The following CSNK2A1 variants were observed in gnomAD, a reference collection of about 807,000 sequenced individuals.
CSNK2A1 encodes casein kinase II subunit alpha.
Under a neutral mutation model 62.9 loss-of-function variants are expected in CSNK2A1, and 10 were observed. The ratio of observed to expected loss-of-function variants is 0.16; its 90% CI spans 0.10 to 0.27. The LOEUF is 0.27. CSNK2A1 is among the 10% of genes least tolerant of loss of function. The probability of loss-of-function intolerance (pLI) is 1.00; values close to 1 mark genes in which losing one functional copy is unlikely to be tolerated. For synonymous variants in CSNK2A1, 124 were observed against 167.8 expected, an observed-to-expected ratio of 0.74 and a Z score of 2.02; for missense variants, 160 against 492.0, an observed-to-expected ratio of 0.33 and a Z score of 6.38.
chr20:500,369 C>A (rs1402398161), intron 4 of CSNK2A1: 8 of 188,254 alleles, frequency 4.2e-5, no homozygotes, highest in African/African-American at 1.7e-4. Context: ...ACAAGGATGG[C>A]CAAAACATCT....
At chr20:500,938 G>C (rs2018455410) in intron 4 of CSNK2A1, 1 of 152,036 alleles carries the variant, frequency 6.6e-6, no homozygotes, top group Non-Finnish European at 1.5e-5. Context: ...CCATTCTAAA[G>C]AGTATTCTGC....
At chr20:491,432 C>A (rs1014944274) in intron 9 of CSNK2A1, among the ~76,000 whole-genome samples, 1 of 152,022 alleles carries the variant, frequency 6.6e-6, no homozygotes, top group Admixed American at 6.6e-5. Context: ...TTTGGGGAGC[C>A]AAGGTGTGAG....
At chr20:524,491 CACTT>C (rs1361936410) in intron 2 of CSNK2A1, among the ~76,000 whole-genome samples, 1 of 149,760 alleles carries the variant, frequency 6.7e-6, no homozygotes, top group Non-Finnish European at 1.5e-5. Context: ...TGTGGTGGCT[CACTT>C]GAGGTCAGGA....
intron 2 of CSNK2A1, 80 bp from the exon 3 acceptor site, chr20:508,740 T>A: frequency 1.8e-6 from 1 of 549,584 alleles, no homozygotes; most frequent in South Asian, 2.5e-5. Flanking sequence ...CAAATAATAA[T>A]GGCCTGAAAT....
chr20:525,650 CA>C (rs59103809), intron 2 of CSNK2A1, among the ~76,000 whole-genome samples: 11,655 of 60,854 alleles, frequency 0.19, 650 homozygotes, highest in African/African-American at 0.35. Flanking sequence ...GACTCCATCT[CA>C]AAAAAAAAAA....
At chr20:535,515 G>C (rs987750889) in intron 1 of CSNK2A1, among the ~76,000 whole-genome samples, 2 of 152,152 alleles carry the variant, frequency 1.3e-5, no homozygotes, top group Non-Finnish European at 2.9e-5. Context: ...CAGCACTTTG[G>C]GAGGCTGAGG....
chr20:488,308 ACAT>A (rs879356960), intron 11 of CSNK2A1: 9 of 202,550 alleles, frequency 4.4e-5, no homozygotes, highest in Non-Finnish European at 8.0e-5. Context: ...CCCAGCCTGC[ACAT>A]CAGTCTTAAA....
At chr20:504,994 C>T (rs915322330) in intron 4 of CSNK2A1, 124 bp downstream of exon 4, 94 of 767,142 alleles carry the variant, frequency 1.2e-4, no homozygotes, top group African/African-American at 9.0e-4. Context: ...TCATAGGATA[C>T]AATAAAATTT....
At chr20:517,596 A>G (rs1174013206) in intron 2 of CSNK2A1, among the ~76,000 whole-genome samples, 1 of 152,202 alleles carries the variant, frequency 6.6e-6, no homozygotes, top group Non-Finnish European at 1.5e-5. Context: ...ATGGGGAAAA[A>G]CTGTAAGAGA....
chr20:499,686 G>A lies in CSNK2A1; in HGVS notation c.315+147C>T. 5.5e-6 allele frequency: 4 copies of A among 722,924 alleles called. No individual in the cohort carries two copies. The highest frequency in any genetic ancestry group is 9.6e-6 in the Non-Finnish European group (4 of 417,208). 44.8% of individuals were successfully genotyped at this position (722,924 alleles called of 1,614,324 possible). ...AGGTCTCTTTGAAAGAAAGACCCAA[G>A]CTAGTTAAATGGTATATCTGATTAA... On this transcript the variant is annotated intron_variant, in intron 5 of 13. Transcript: ENST00000217244. This position sits in a 1 kb window ranked among gnomAD's most constrained non-coding sequence, Gnocchi z 4.2.
intron 1 of CSNK2A1, among the ~76,000 whole-genome samples, chr20:530,743 G>C (rs2019196102): frequency 6.6e-6 from 1 of 152,076 alleles, no homozygotes; most frequent in South Asian, 2.1e-4. Flanking sequence ...CCAAAGTGTT[G>C]GGACTACAGT....
intron 3 of CSNK2A1, chr20:507,568 GACT>G (rs1241771744): frequency 6.6e-6 from 1 of 152,216 alleles, no homozygotes; most frequent in Non-Finnish European, 1.5e-5. Flanking sequence ...TGTTCAGGCA[GACT>G]ACAACTGTTC....
chr20:505,927 T>C (rs1403723739), intron 3 of CSNK2A1: 7 of 136,850 alleles, frequency 5.1e-5, no homozygotes, highest in Admixed American at 4.2e-4. Flanking sequence ...CAGGCTGGAG[T>C]GCAGTGGCGT....
At chr20:522,306 TG>T (rs1048851986) in intron 2 of CSNK2A1, among the ~76,000 whole-genome samples, 4 of 152,238 alleles carry the variant, frequency 2.6e-5, no homozygotes, top group African/African-American at 9.6e-5. Context: ...TAGAAAAACC[TG>T]GCAGACTTTA....
In CSNK2A1 at chr20:483,772, AAAAAAAG is replaced by A. The variant is rs1258333546; in HGVS notation, c.*182_*188del. The A allele has an allele frequency of 4.9e-6, 2 of 407,870 alleles. No homozygotes were observed. Among genetic ancestry groups the A allele is most frequent in the South Asian group, 1.3e-4 (1 of 7,700 alleles). The allele number at this position is 407,870 out of a possible 1,614,324, so 25.3% of individuals were successfully genotyped here. On this transcript the variant is annotated 3_prime_UTR_variant, in exon 14 of 14. Transcript: ENST00000217244. ...GAGTTATGAAAAGTTCGAGTTAAAA[AAAAAAAG>A]AAAAAAGAAAATCAGCCTATTATAA...
At chr20:520,318 C>G (rs1165111988) in intron 2 of CSNK2A1, among the ~76,000 whole-genome samples, 1 of 152,062 alleles carries the variant, frequency 6.6e-6, no homozygotes, top group East Asian at 1.9e-4. Flanking sequence ...ACTAACTGAT[C>G]TTAAACTTAT....
At chr20:524,752 G>GT (rs2019040833) in intron 2 of CSNK2A1, among the ~76,000 whole-genome samples, 1 of 150,186 alleles carries the variant, frequency 6.7e-6, no homozygotes, top group Admixed American at 6.6e-5. Context: ...AAAACATGGG[G>GT]TATATATTAT....
Position 483,032 on chromosome 20 carries a change from G to A in CSNK2A1, c.*929C>T, listed in dbSNP as rs547305723. ...TCCCATTAGCTCTAGCATGAAACCT[G>A]TACAGACAATGTTTGTTTCTTTTGT... On this transcript the variant is annotated 3_prime_UTR_variant, in exon 14 of 14. Coordinates refer to ENST00000217244, the MANE Select transcript of CSNK2A1 (RefSeq NM_177559.3). 4.7e-4 allele frequency: 71 copies of A among 152,394 alleles called. No homozygotes were observed. The highest frequency in any genetic ancestry group is 8.5e-4 in the Non-Finnish European group (58 of 68,034). The allele number at this position is 152,394 out of a possible 1,614,324, so 9.4% of individuals were successfully genotyped here.
chr20:497,775 C>T lies in CSNK2A1; in HGVS notation c.372G>A (p.Leu124=), dbSNP rs1374285002. 6.2e-7 allele frequency: 1 copy of T among 1,612,408 alleles called. No homozygotes were observed. The highest frequency in any genetic ancestry group is 8.5e-7 in the Non-Finnish European group (1 of 1,178,958). ...TATCATAGTCTGTTAACGTCTGGTA[C>T]AATTGCTGTTAAAGACAAATGTTTG... ...EHVNNTDFKQ[L]YQTLTDYDIR... is the part of the protein sequence containing the mutation. The change falls in exon 7 of 14, where the codon TTG becomes TTA. Residue 124 remains leucine (L), a synonymous_variant. Transcript: ENST00000217244.
Sources: gnomAD v4.1 joint callset for allele counts (sites outside exome capture counted in the v4.1 genomes callset) on GRCh38, gnomAD v4.1.1 for gene constraint, Gnocchi (gnomAD v3.1) non-coding constraint, MANE v1.5 for transcripts, NCBI Gene and HGNC (gene_info 2026-07-23, HGNC 2026-07-21) for gene names.